Variants in RLF observed in about 807,000 individuals in gnomAD.
RLF encodes the protein RLF zinc finger.
In RLF, 7 loss-of-function variants were observed where a neutral mutation model predicts 162.9. That is an observed-to-expected ratio of 0.04 (90% CI 0.02 to 0.08). The LOEUF (loss-of-function observed/expected upper bound fraction) is 0.08, where lower values mean the gene tolerates loss of function less well. Ranked by LOEUF, RLF falls within the 10% of genes least tolerant of loss-of-function variation. The pLI, the probability that RLF is intolerant of heterozygous loss-of-function variation, is 1.00. For synonymous variants in RLF, 782 were observed against 791.5 expected (o/e 0.99, Z 0.20); for missense variants, 1,664 against 2,244.7 (o/e 0.74, Z 5.23).
chr1:40,234,630 A>G (rs753776362), intron 7 of RLF, among the ~76,000 whole-genome samples: 7 of 152,248 alleles, frequency 4.6e-5, no homozygotes, highest in Non-Finnish European at 1.0e-4. Flanking sequence ...CATTTTACCA[A>G]TAAGGAAACT....
chr1:40,218,511 G>T (rs369289964), intron 5 of RLF, among the ~76,000 whole-genome samples: 3 of 152,030 alleles, frequency 2.0e-5, no homozygotes, highest in African/African-American at 7.2e-5. Flanking sequence ...GTGACATCAC[G>T]CATTGCCGTT....
intron 1 of RLF, among the ~76,000 whole-genome samples, chr1:40,179,118 C>T (rs529481386): frequency 7.2e-5 from 11 of 152,240 alleles, no homozygotes; most frequent in Admixed American, 3.3e-4. Flanking sequence ...TACAGGCATG[C>T]GCCACCACAC....
intron 5 of RLF, among the ~76,000 whole-genome samples, chr1:40,207,674 G>T (rs377571004): frequency 2.6e-4 from 39 of 152,230 alleles, no homozygotes; most frequent in African/African-American, 8.2e-4. Flanking sequence ...GCAGTGGCGT[G>T]ATCTCGGCTC....
intron 6 of RLF, among the ~76,000 whole-genome samples, chr1:40,224,013 A>G (rs1290442042): frequency 6.6e-6 from 1 of 152,268 alleles, no homozygotes; most frequent in Non-Finnish European, 1.5e-5. Flanking sequence ...ATGAAAAAAT[A>G]TCCACCATTA....
At chr1:40,234,720 G>C (rs1348880170) in intron 7 of RLF, among the ~76,000 whole-genome samples, 1 of 152,190 alleles carries the variant, frequency 6.6e-6, no homozygotes, top group Non-Finnish European at 1.5e-5. Flanking sequence ...TAAAGTCTCT[G>C]CTCATAGCAG....
rs770323350 is a variant in RLF at position 40,237,461 on chromosome 1, A to C, written c.2759A>C (p.Glu920Ala). The change falls in exon 8 of 8, where the codon GAA becomes GCA. Residue 920 changes from glutamate (E) to alanine (A), a missense_variant. Physicochemically the swap from Glu to Ala is moderately radical, Grantham distance 107. Coordinates refer to ENST00000372771, the MANE Select transcript of RLF (RefSeq NM_012421.4). The surrounding 1 kb of genome is among the most constrained non-coding windows in gnomAD (Gnocchi z 4.4). Reference protein sequence around the residue: ...EELIDTLDHSETMQDVLLSNE... With the variant: ...EELIDTLDHSATMQDVLLSNE... ...CTAATTGACACACTAGATCACTCTG[A>C]AACTATGCAGGATGTATTGTTATCT... The C allele has an allele frequency of 6.2e-7, 1 of 1,614,100 alleles. No homozygotes were observed. The highest frequency in any genetic ancestry group is 8.5e-7 in the Non-Finnish European group (1 of 1,180,004).
Position 40,211,757 on chromosome 1 carries a change from G to A in RLF, c.810+9143G>A, listed in dbSNP as rs1642867991. On this transcript the variant is annotated intron_variant, in intron 5 of 7. Coordinates refer to ENST00000372771, the MANE Select transcript of RLF (RefSeq NM_012421.4). The stretch of plus-strand genomic sequence containing the variant: ...CTGCTTCAGCCTCCCGAGTAGCTGG[G>A]ATTACGGGCACGTGCCACCACGCCT... Among the ~76,000 whole-genome samples, 3 of 152,200 alleles carry A rather than the reference G, an allele frequency of 2.0e-5. No individual in the cohort carries two copies. The South Asian group carries it at 6.2e-4, about 32-fold the overall frequency.
chr1:40,194,807 G>GTTAT (rs56209515), intron 3 of RLF, among the ~76,000 whole-genome samples: 1,629 of 144,122 alleles, frequency 0.011, 10 homozygotes, highest in African/African-American at 0.015. Flanking sequence ...AAACATCCTA[G>GTTAT]TTATTTATTT....
At chr1:40,224,578 CTT>C (rs59980316) in intron 6 of RLF, among the ~76,000 whole-genome samples, 1,487 of 40,490 alleles carry the variant, frequency 0.037, 30 homozygotes, top group African/African-American at 0.086. Context: ...CTGGCCACAT[CTT>C]TTTTTTTTTT....
At chr1:40,223,679 G>C (rs755621265) in intron 6 of RLF, among the ~76,000 whole-genome samples, 1 of 152,068 alleles carries the variant, frequency 6.6e-6, no homozygotes, top group Non-Finnish European at 1.5e-5. Context: ...ATTTCTTTTT[G>C]TTTATTATTT....
chr1:40,208,294 A>G (rs1405971861), intron 5 of RLF, among the ~76,000 whole-genome samples: 5 of 152,220 alleles, frequency 3.3e-5, no homozygotes, highest in African/African-American at 1.2e-4. Flanking sequence ...TAGTTTCCTC[A>G]AATGGGGATT....
rs773674026 is a variant in RLF, at chr1:40,231,584, C to T, written c.1015C>T (p.Arg339Cys). The change falls in exon 7 of 8, where the codon CGC (arginine) becomes TGC (cysteine). Residue 339 changes from arginine (R) to cysteine (C), a missense_variant. Arg to Cys is a radical substitution (Grantham distance 180). Around this residue, in one of 15 missense-constraint regions of RLF, gnomAD observed 287 missense variants for 404.9 expected, o/e 0.71. Transcript: ENST00000372771. ...IDPSLDTFLE[R>C]CRQFGVIAKT... ...CCCTTCTTTAGATACTTTTTTGGAGCGCTGTCGTCAGTTTGGTGTCATAGC... is the reference window on the plus strand; with the variant it reads ...CCCTTCTTTAGATACTTTTTTGGAGTGCTGTCGTCAGTTTGGTGTCATAGC... 2.2e-5 allele frequency: 36 copies of T among 1,613,636 alleles called. No homozygotes were observed. The highest frequency in any genetic ancestry group is 1.9e-4 in the South Asian group (17 of 91,058).
At chr1:40,166,200 T>C (rs184977237) in intron 1 of RLF, among the ~76,000 whole-genome samples, 3 of 152,284 alleles carry the variant, frequency 2.0e-5, no homozygotes, top group East Asian at 3.9e-4. Flanking sequence ...GCAATTAGTA[T>C]GATGCCTGGC....
chr1:40,185,842 G>GAAA, intron 1 of RLF, among the ~76,000 whole-genome samples: 1 of 9,426 alleles, frequency 1.1e-4, no homozygotes, highest in African/African-American at 4.6e-4. Flanking sequence ...AAAAAAAAAA[G>GAAA]CAAAAAAAAA....
At chr1:40,223,529 T>G (rs1363123180) in intron 6 of RLF, among the ~76,000 whole-genome samples, 1 of 152,244 alleles carries the variant, frequency 6.6e-6, no homozygotes, top group Non-Finnish European at 1.5e-5. Flanking sequence ...AACCTAAGGA[T>G]GGCTTAAAAT....
intron 5 of RLF, among the ~76,000 whole-genome samples, chr1:40,221,666 C>T (rs1186004613): frequency 4.6e-5 from 7 of 151,086 alleles, no homozygotes; most frequent in Non-Finnish European, 5.9e-5. Context: ...TTTGGGAGGC[C>T]AAGGCGGGTG....
chr1:40,217,468 C>T (rs1203392092), intron 5 of RLF, among the ~76,000 whole-genome samples: 1 of 151,378 alleles, frequency 6.6e-6, no homozygotes, highest in Non-Finnish European at 1.5e-5. Context: ...AAGACCCTGT[C>T]TCTTATAGTA....
intron 1 of RLF, among the ~76,000 whole-genome samples, chr1:40,166,061 C>T (rs979971719): frequency 6.6e-6 from 1 of 152,174 alleles, no homozygotes; most frequent in African/African-American, 2.4e-5. Flanking sequence ...TTCTCCAATG[C>T]ATTCTATTAG....
At chr1:40,188,366 A>C (rs866199261) in intron 1 of RLF, among the ~76,000 whole-genome samples, 1 of 152,190 alleles carries the variant, frequency 6.6e-6, no homozygotes, top group Admixed American at 6.5e-5. Flanking sequence ...CTCACCAGAT[A>C]ACTTCTCAGA....
Sources: gnomAD v4.1 joint callset for allele counts (sites outside exome capture counted in the v4.1 genomes callset) on GRCh38, gnomAD v4.1.1 for gene constraint, gnomAD v4.1.1 regional missense constraint, Gnocchi (gnomAD v3.1) non-coding constraint, MANE v1.5 for transcripts, NCBI Gene and HGNC (gene_info 2026-07-23, HGNC 2026-07-21) for gene names.